MALRD1: variants seen among roughly 807,000 people sequenced by gnomAD.
The protein encoded by MALRD1 is MAM and LDL receptor class A domain containing 1, also known as MAM and LDL-receptor class A domain-containing protein 1.
In MALRD1, 247 loss-of-function variants were observed where a neutral mutation model predicts 242.1. The observed-to-expected ratio is 1.02, with a 90% confidence interval of 0.92 to 1.13. The LOEUF (loss-of-function observed/expected upper bound fraction) is 1.13. MALRD1 is among the 50% of genes most tolerant of loss of function. The pLI is 0.00. For missense variants in MALRD1, 2,989 were observed against 2,533.1 expected (o/e 1.18, Z -3.86); for synonymous variants, 995 against 866.6 (o/e 1.15, Z -2.60).
intron 36 of MALRD1, among the ~76,000 whole-genome samples, chr10:19,688,993 G>A (rs1842711424): frequency 6.6e-6 from 1 of 152,032 alleles, no homozygotes; most frequent in African/African-American, 2.4e-5. Context: ...GGGGTGAAGA[G>A]GAAAGAAGAA....
intron 31 of MALRD1, among the ~76,000 whole-genome samples, chr10:19,521,324 A>G (rs1174318214): frequency 6.6e-6 from 1 of 152,082 alleles, no homozygotes; most frequent in Non-Finnish European, 1.5e-5. Flanking sequence ...GAGTGTCCTT[A>G]AACTGTCACT....
chr10:19,328,550 T>C (rs1843233465), intron 23 of MALRD1, among the ~76,000 whole-genome samples: 1 of 152,152 alleles, frequency 6.6e-6, no homozygotes, highest in Non-Finnish European at 1.5e-5. Flanking sequence ...AAGTTGGCTG[T>C]GAATGTTCAG....
chr10:19,303,271 G>T (rs1842028910), intron 21 of MALRD1, among the ~76,000 whole-genome samples: 2 of 151,454 alleles, frequency 1.3e-5, no homozygotes, highest in Non-Finnish European at 3.0e-5. Flanking sequence ...TAGACATTAG[G>T]TCAAAATTAC....
intron 28 of MALRD1, 137 bp downstream of exon 28, chr10:19,389,746 C>A: frequency 1.1e-6 from 1 of 874,920 alleles, no homozygotes; most frequent in Non-Finnish European, 1.7e-6. Context: ...CTCAAGCGAT[C>A]CTCCTGCCTC....
At chr10:19,418,418 G>A (rs775431595) in intron 28 of MALRD1, among the ~76,000 whole-genome samples, 9 of 151,996 alleles carry the variant, frequency 5.9e-5, no homozygotes, top group Non-Finnish European at 1.2e-4. Context: ...TTCAGCATAC[G>A]TTTTTTGGAG....
chr10:19,655,664 A>G (rs1356843051), intron 36 of MALRD1, among the ~76,000 whole-genome samples: 5 of 150,882 alleles, frequency 3.3e-5, no homozygotes, highest in African/African-American at 1.2e-4. Flanking sequence ...CTCATTGTCG[A>G]AAAAAAATAC....
intron 36 of MALRD1, among the ~76,000 whole-genome samples, chr10:19,616,885 A>G (rs548714462): frequency 2.0e-5 from 3 of 152,130 alleles, no homozygotes; most frequent in South Asian, 2.1e-4. Flanking sequence ...TTCTCTTTCA[A>G]TACTTTACAT....
intron 38 of MALRD1, among the ~76,000 whole-genome samples, chr10:19,720,315 G>A (rs920378748): frequency 2.0e-5 from 3 of 152,108 alleles, no homozygotes; most frequent in Non-Finnish European, 4.4e-5. Flanking sequence ...TGTTTGAAAA[G>A]TATTAGTTGA....
intron 28 of MALRD1, among the ~76,000 whole-genome samples, chr10:19,435,264 G>C (rs186112663): frequency 6.6e-6 from 1 of 151,884 alleles, no homozygotes; most frequent in Non-Finnish European, 1.5e-5. Flanking sequence ...AGATAGTACA[G>C]GGAGTTCCTG....
At chr10:19,123,427 C>T (rs991853797) in intron 5 of MALRD1, 65 bp from the exon 6 acceptor site, 2 of 961,456 alleles carry the variant, frequency 2.1e-6, no homozygotes, top group East Asian at 3.3e-5. Flanking sequence ...AACATTAAAG[C>T]AAAATACTTG....
intron 33 of MALRD1, among the ~76,000 whole-genome samples, chr10:19,573,036 C>T (rs569224483): frequency 3.9e-5 from 6 of 152,326 alleles, no homozygotes; most frequent in African/African-American, 1.4e-4. Flanking sequence ...GAACATTGAA[C>T]TCTATTTTAT....
rs1303483468 is a variant in MALRD1, at chr10:19,283,112, G to C, written c.3350G>C (p.Trp1117Ser). 3 of 1,549,558 alleles carry C rather than the reference G, an allele frequency of 1.9e-6. No individual in the cohort carries two copies. Among genetic ancestry groups the C allele is most frequent in the Admixed American group, 3.9e-5 (2 of 50,936 alleles). ...HLLQDSNTFR[W>S]GLGNGISIHH... is the part of the protein sequence containing the mutation. ...CTTCAAGATTCAAACACATTCAGGTGGGGGCTTGGGAACGGGATCAGCATT... is the reference window on the plus strand; with the variant it reads ...CTTCAAGATTCAAACACATTCAGGTCGGGGCTTGGGAACGGGATCAGCATT... Residue 1117 changes from tryptophan to serine, a missense_variant, in exon 21 of 40, where the codon TGG becomes TCG. Coordinates refer to ENST00000454679, the MANE Select transcript of MALRD1 (RefSeq NM_001142308.3).
At chr10:19,511,616 T>C (rs1448479133) in intron 31 of MALRD1, among the ~76,000 whole-genome samples, 1 of 152,208 alleles carries the variant, frequency 6.6e-6, no homozygotes, top group African/African-American at 2.4e-5. Flanking sequence ...TATGTGAATC[T>C]AAAAGTCTAA....
chr10:19,668,991 G>T (rs893292928), intron 36 of MALRD1, among the ~76,000 whole-genome samples: 2 of 152,168 alleles, frequency 1.3e-5, no homozygotes, highest in Non-Finnish European at 2.9e-5. Context: ...TTATTCCAAG[G>T]CCCTCCACAG....
chr10:19,160,084 A>G (rs962958478), intron 12 of MALRD1, among the ~76,000 whole-genome samples: 1 of 152,188 alleles, frequency 6.6e-6, no homozygotes, highest in Non-Finnish European at 1.5e-5. Flanking sequence ...AATCTGCCTT[A>G]GTGGAGACCC....
At chr10:19,237,109 C>T (rs1365454927) in intron 18 of MALRD1, among the ~76,000 whole-genome samples, 1 of 151,762 alleles carries the variant, frequency 6.6e-6, no homozygotes, top group Non-Finnish European at 1.5e-5. Flanking sequence ...TATTAATTAC[C>T]TCATGCATTT....
intron 32 of MALRD1, among the ~76,000 whole-genome samples, chr10:19,554,325 G>C (rs1835618550): frequency 6.6e-6 from 1 of 152,058 alleles, no homozygotes; most frequent in South Asian, 2.1e-4. Context: ...CACGTGCTGA[G>C]AGCAGGAGCA....
At chr10:19,134,521 A>G (rs1833250937) in intron 9 of MALRD1, among the ~76,000 whole-genome samples, 1 of 151,300 alleles carries the variant, frequency 6.6e-6, no homozygotes, top group South Asian at 2.1e-4. Context: ...TTGCACCAAC[A>G]TGATATATGG....
At position 19,507,203 on chromosome 10, in the gene MALRD1, C is replaced by T. The variant is rs192573111; in HGVS notation, c.5320+8557C>T. On this transcript the variant is annotated intron_variant, in intron 31 of 39. Coordinates refer to ENST00000454679, the MANE Select transcript of MALRD1 (RefSeq NM_001142308.3). ...CCAGTCACCTCTCACCAGGCCCCAA[C>T]TCCAGCAACGGGGATTTCAGTTAAG... 3.3e-5 allele frequency among the ~76,000 whole-genome samples: 5 copies of T among 152,194 alleles called. No individual in the cohort carries two copies. In the East Asian group the frequency reaches 9.7e-4, roughly 29 times the overall value.
Sources: gnomAD v4.1 joint callset for allele counts (sites outside exome capture counted in the v4.1 genomes callset) on GRCh38, gnomAD v4.1.1 for gene constraint, MANE v1.5 for transcripts, NCBI Gene and HGNC (gene_info 2026-07-23, HGNC 2026-07-21) for gene names.